Variants in SHANK2 observed in about 807,000 individuals in gnomAD.
SHANK2 encodes the protein SH3 and multiple ankyrin repeat domains 2, also known as SH3 and multiple ankyrin repeat domains protein 2.
SHANK2 carries 43 observed loss-of-function variants against 133.7 expected under a neutral mutation model. The ratio of observed to expected loss-of-function variants is 0.32; its 90% confidence interval spans 0.25 to 0.41. The LOEUF is 0.41. Among genes scored for constraint, SHANK2 ranks in the 10% least tolerant of loss-of-function variants. SHANK2 has a pLI of 1.00. For missense variants in SHANK2, 1,994 were observed against 2,235.8 expected, an observed-to-expected ratio of 0.89 and a Z score of 2.18; for synonymous variants, 1,017 against 952.8, an observed-to-expected ratio of 1.07 and a Z score of -1.24.
intron 9 of SHANK2, among the ~76,000 whole-genome samples, chr11:71,070,715 C>A (rs1951131640): frequency 6.6e-6 from 1 of 152,276 alleles, no homozygotes; most frequent in African/African-American, 2.4e-5. Context: ...CGGCTACACT[C>A]TGACTTACAT....
Position 70,479,529 on chromosome 11 carries a change from T to C in SHANK2, c.4979+5785A>G, listed in dbSNP as rs1406864232. On this transcript the variant is annotated intron_variant, in intron 25 of 25. Transcript: ENST00000601538. The surrounding 1 kb of genome is among the most constrained non-coding windows in gnomAD (Gnocchi z 4.4). Reference sequence around the variant, plus strand: ...TGGAGTTTCACAGGACAAATCTCCCTGAAGCCCATCCATCCCATGGGGAAG... The same window carrying C: ...TGGAGTTTCACAGGACAAATCTCCCCGAAGCCCATCCATCCCATGGGGAAG... 2.0e-5 allele frequency among the ~76,000 whole-genome samples: 3 copies of C among 152,188 alleles called. No homozygotes were observed. The highest frequency in any genetic ancestry group is 4.4e-5 in the Non-Finnish European group (3 of 68,022).
At position 71,109,995 on chromosome 11, in the gene SHANK2, T is replaced by C; in HGVS notation, c.538A>G (p.Thr180Ala). The C allele has an allele frequency of 6.4e-7, 1 of 1,551,778 alleles. No individual in the cohort carries two copies. Among genetic ancestry groups the C allele is most frequent in the Non-Finnish European group, 8.7e-7 (1 of 1,146,990 alleles). The change falls in exon 6 of 26, where the codon ACC becomes GCC. Residue 180 changes from threonine (T) to alanine (A), a missense_variant. Around this residue, in one of 5 missense-constraint regions of SHANK2, gnomAD observed 653 missense variants for 563.4 expected, o/e 1.16. Coordinates refer to ENST00000601538, the MANE Select transcript of SHANK2 (RefSeq NM_012309.5). ...HIQHRLVEKI[T>A]KMLDRGLDPN... ...TCCAGGCCTCGGTCCAGCATCTTGGTGATCTTCTCCACCAAGCGATGCTGA... is the reference window on the plus strand; with the variant it reads ...TCCAGGCCTCGGTCCAGCATCTTGGCGATCTTCTCCACCAAGCGATGCTGA...
chr11:71,065,729 G>C (rs1951045469), intron 9 of SHANK2, among the ~76,000 whole-genome samples: 1 of 146,206 alleles, frequency 6.8e-6, no homozygotes, highest in Non-Finnish European at 1.5e-5. Flanking sequence ...GTTGGGGGTG[G>C]TACAGAACTC....
At chr11:70,546,097 A>ATTTTTTTTTTTTTT (rs57144719) in intron 17 of SHANK2, among the ~76,000 whole-genome samples, 3 of 137,512 alleles carry the variant, frequency 2.2e-5, no homozygotes, top group Non-Finnish European at 3.1e-5. Flanking sequence ...TATTTATTTA[A>ATTTTTTTTTTTTTT]TTTTTTTTTT....
At chr11:71,067,774 G>A (rs945650028) in intron 9 of SHANK2, among the ~76,000 whole-genome samples, 115 of 149,920 alleles carry the variant, frequency 7.7e-4, no homozygotes, top group Middle Eastern at 6.9e-3. Flanking sequence ...CACCATCACT[G>A]CCATCATCAC....
At chr11:70,509,108 C>G (rs888710633) in intron 17 of SHANK2, among the ~76,000 whole-genome samples, 1 of 152,250 alleles carries the variant, frequency 6.6e-6, no homozygotes, top group Non-Finnish European at 1.5e-5. Flanking sequence ...AGCTGTGGGA[C>G]AGTCCCTGTC....
intron 17 of SHANK2, among the ~76,000 whole-genome samples, chr11:70,576,144 C>G (rs560115397): frequency 2.0e-5 from 3 of 152,178 alleles, no homozygotes; most frequent in Non-Finnish European, 4.4e-5. Context: ...CTACGGGGAA[C>G]TACCTGTCCC....
intron 14 of SHANK2, among the ~76,000 whole-genome samples, chr11:70,719,102 G>T (rs930898377): frequency 3.3e-5 from 5 of 152,214 alleles, no homozygotes; most frequent in African/African-American, 1.2e-4. Context: ...AGCACGTCAG[G>T]TGCCATCACC....
chr11:71,213,937 G>T (rs760370072), intron 2 of SHANK2, among the ~76,000 whole-genome samples: 1 of 152,040 alleles, frequency 6.6e-6, no homozygotes, highest in African/African-American at 2.4e-5. Context: ...CCATGCACTC[G>T]CATGCACAAG....
chr11:70,952,727 A>G (rs779467700), intron 10 of SHANK2: 2 of 416,958 alleles, frequency 4.8e-6, no homozygotes, highest in East Asian at 8.0e-5. Context: ...CGCAGATGGC[A>G]GGGCGGCCCT....
intron 10 of SHANK2, among the ~76,000 whole-genome samples, chr11:70,899,710 C>T (rs1273217941): frequency 6.6e-6 from 1 of 152,228 alleles, no homozygotes; most frequent in African/African-American, 2.4e-5. Context: ...CTGAGCCAGA[C>T]ATGTCCTTCT....
At chr11:70,630,965 G>T (rs11236974) in intron 17 of SHANK2, 15,021 of 152,312 alleles carry the variant, frequency 0.099, 864 homozygotes, top group African/African-American at 0.15. Context: ...GCATCCTCAG[G>T]ACTAGCCGGG....
Position 71,144,217 on chromosome 11 carries a change from C to T in SHANK2, c.207+2903G>A, listed in dbSNP as rs556370498. Among the ~76,000 whole-genome samples, 177 of 152,238 alleles carry T rather than the reference C, an allele frequency of 1.2e-3. 2 individuals are homozygous for T. The highest frequency in any genetic ancestry group is 4.0e-3 in the African/African-American group (166 of 41,540). ...CAGGAGGTGGGGGAGGGAAAGTGTG[C>T]GCATGCGTGCACCCATGCACACATA... On this transcript the variant is annotated intron_variant, in intron 3 of 25. Coordinates refer to ENST00000601538, the MANE Select transcript of SHANK2 (RefSeq NM_012309.5).
chr11:71,089,783 G>A (rs1359564738), intron 8 of SHANK2, among the ~76,000 whole-genome samples: 2 of 152,204 alleles, frequency 1.3e-5, no homozygotes, highest in African/African-American at 4.8e-5. Flanking sequence ...CGTGGCCAGG[G>A]CCAGATGCTG....
At chr11:71,090,902 C>T (rs117853483) in intron 8 of SHANK2, among the ~76,000 whole-genome samples, 2,323 of 152,084 alleles carry the variant, frequency 0.015, 30 homozygotes, top group Non-Finnish European at 0.023. Context: ...AGTCTTTTTC[C>T]TCTTAAGGCC....
chr11:71,126,482 A>T (rs1952190755), intron 3 of SHANK2, among the ~76,000 whole-genome samples: 2 of 152,148 alleles, frequency 1.3e-5, no homozygotes, highest in African/African-American at 4.8e-5. Context: ...CACAATATCC[A>T]TTTTGCAGTC....
At chr11:71,074,398 C>G (rs1369637263) in intron 9 of SHANK2, among the ~76,000 whole-genome samples, 7 of 152,164 alleles carry the variant, frequency 4.6e-5, no homozygotes, top group African/African-American at 1.7e-4. Context: ...GTACACAGGT[C>G]CCTCCCCCAG....
At chr11:70,781,730 T>A (rs552892119) in intron 14 of SHANK2, among the ~76,000 whole-genome samples, 127 of 99,522 alleles carry the variant, frequency 1.3e-3, no homozygotes, top group South Asian at 2.3e-3. Context: ...GCTATCCTTC[T>A]CCCCTCCCCC....
At chr11:70,724,140 A>G (rs1555029970) in intron 14 of SHANK2, among the ~76,000 whole-genome samples, 1 of 151,610 alleles carries the variant, frequency 6.6e-6, no homozygotes, top group East Asian at 1.9e-4. Context: ...GGTTCCAGCA[A>G]TTCTCCTGCC....
Sources: allele counts gnomAD v4.1 joint callset (sites outside exome capture counted in the v4.1 genomes callset), GRCh38; gene constraint gnomAD v4.1.1; regional missense constraint gnomAD v4.1.1; non-coding constraint Gnocchi (gnomAD v3.1); transcripts MANE v1.5; gene names NCBI Gene and HGNC (gene_info 2026-07-23, HGNC 2026-07-21).